PPP6R3: variants seen among roughly 807,000 people sequenced by gnomAD.
PPP6R3 encodes the protein serine/threonine-protein phosphatase 6 regulatory subunit 3.
In PPP6R3, 38 loss-of-function variants were observed where a neutral mutation model predicts 110.7. The ratio of observed to expected loss-of-function variants is 0.34; its 90% CI spans 0.26 to 0.45. The LOEUF is 0.45. Ranked by LOEUF, PPP6R3 falls within the 20% of genes least tolerant of loss-of-function variation. The probability of loss-of-function intolerance (pLI) is 1.00; values close to 1 mark genes in which losing one functional copy is unlikely to be tolerated. For missense variants in PPP6R3, 870 were observed against 1,062.4 expected (o/e 0.82, Z 2.52); for synonymous variants, 369 against 373.5 (o/e 0.99, Z 0.14).
intron 2 of PPP6R3, among the ~76,000 whole-genome samples, chr11:68,531,341 T>TTATTTATG (rs1267600517): frequency 2.0e-5 from 3 of 150,882 alleles, no homozygotes; most frequent in Admixed American, 6.6e-5. Context: ...ATTTATTTAT[T>TTATTTATG]TATTTATTTA....
chr11:68,469,631 G>T (rs1242108448), intron 1 of PPP6R3, among the ~76,000 whole-genome samples: 2 of 151,072 alleles, frequency 1.3e-5, no homozygotes, highest in South Asian at 2.1e-4. Context: ...CTCCCACCTT[G>T]TTTTCCCAAA....
At chr11:68,578,664 C>A (rs1471702318) in intron 14 of PPP6R3, among the ~76,000 whole-genome samples, 1 of 152,218 alleles carries the variant, frequency 6.6e-6, no homozygotes, top group East Asian at 1.9e-4. Flanking sequence ...GGCTGTGTAC[C>A]TGAGGACTTG....
Position 68,604,674 on chromosome 11 carries a change from A to G in PPP6R3, c.2450+1182A>G, listed in dbSNP as rs574918613. On this transcript the variant is annotated intron_variant, in intron 22 of 23. Transcript: ENST00000393800. Reference sequence around the variant, plus strand: ...AAAGTTTAGCAGGTTTACTGGAGACATACAAAATCACTTGCATCCTATAAA... The same window carrying G: ...AAAGTTTAGCAGGTTTACTGGAGACGTACAAAATCACTTGCATCCTATAAA... 7.2e-5 allele frequency among the ~76,000 whole-genome samples: 11 copies of G among 152,402 alleles called. No homozygotes were observed. The East Asian group carries it at 1.7e-3, about 24-fold the overall frequency.
At chr11:68,488,044 A>G (rs1402180926) in intron 1 of PPP6R3, among the ~76,000 whole-genome samples, 5 of 152,176 alleles carry the variant, frequency 3.3e-5, no homozygotes, top group African/African-American at 9.7e-5. Flanking sequence ...TGACACTGTT[A>G]TTAGGCAAAT....
At chr11:68,581,289 G>A (rs2099553511) in intron 14 of PPP6R3, among the ~76,000 whole-genome samples, 1 of 152,136 alleles carries the variant, frequency 6.6e-6, no homozygotes, top group African/African-American at 2.4e-5. Flanking sequence ...GCGAAGGGGA[G>A]GTCACAATGT....
At chr11:68,526,353 C>A (rs1456471488) in intron 2 of PPP6R3, among the ~76,000 whole-genome samples, 3 of 152,064 alleles carry the variant, frequency 2.0e-5, no homozygotes, top group Non-Finnish European at 4.4e-5. Context: ...GATCCTCCCA[C>A]CTCAGCCTCC....
At chr11:68,510,593 C>T (rs1028869062) in intron 1 of PPP6R3, among the ~76,000 whole-genome samples, 1 of 152,152 alleles carries the variant, frequency 6.6e-6, no homozygotes, top group Non-Finnish European at 1.5e-5. Context: ...GCCTTGGTCT[C>T]TCAAAATGTT....
At chr11:68,519,447 C>T (rs143182033) in intron 1 of PPP6R3, 54 bp from the exon 2 acceptor site, 491 of 393,522 alleles carry the variant, frequency 1.2e-3, no homozygotes, top group African/African-American at 9.4e-3. Context: ...TGGCAGCTAT[C>T]ATCACACCAA....
intron 14 of PPP6R3, among the ~76,000 whole-genome samples, chr11:68,580,994 A>G (rs1036708636): frequency 3.2e-4 from 49 of 151,982 alleles, no homozygotes; most frequent in Admixed American, 9.8e-4. Flanking sequence ...GATGGTCTCG[A>G]TCTCCTGACC....
At chr11:68,509,293 A>G (rs914309817) in intron 1 of PPP6R3, among the ~76,000 whole-genome samples, 2 of 151,912 alleles carry the variant, frequency 1.3e-5, no homozygotes, top group African/African-American at 4.8e-5. Flanking sequence ...AGCTTTTTTT[A>G]GTGGTGTTGT....
At chr11:68,473,417 T>C (rs563560118) in intron 1 of PPP6R3, among the ~76,000 whole-genome samples, 9 of 152,354 alleles carry the variant, frequency 5.9e-5, no homozygotes, top group African/African-American at 1.9e-4. Flanking sequence ...TACCTTGCCA[T>C]GCGTATCTCT....
At chr11:68,461,540 TAAAG>T (rs1322053596) in intron 1 of PPP6R3, among the ~76,000 whole-genome samples, 3 of 152,058 alleles carry the variant, frequency 2.0e-5, no homozygotes, top group Non-Finnish European at 2.9e-5. Context: ...CCCTCCCTCT[TAAAG>T]AAGCCCATTC....
chr11:68,482,283 G>A (rs995340985), intron 1 of PPP6R3, among the ~76,000 whole-genome samples: 5 of 151,190 alleles, frequency 3.3e-5, no homozygotes, highest in East Asian at 1.9e-4. Flanking sequence ...ACGTGGTGGC[G>A]GGCGCCTGTA....
intron 3 of PPP6R3, among the ~76,000 whole-genome samples, chr11:68,542,083 C>T (rs368912071): frequency 6.8e-6 from 1 of 148,010 alleles, no homozygotes; most frequent in South Asian, 2.1e-4. Flanking sequence ...GAGAACGTTG[C>T]AGCACAGAGG....
intron 7 of PPP6R3, among the ~76,000 whole-genome samples, chr11:68,556,539 AAAAAAAAAAAC>A (rs1317150123): frequency 6.6e-6 from 1 of 151,212 alleles, no homozygotes; most frequent in Non-Finnish European, 1.5e-5. Context: ...TCTCATTAAA[AAAAAAAAAAAC>A]GAAAAAAAAA....
chr11:68,490,891 G>A (rs1018502007), intron 1 of PPP6R3, among the ~76,000 whole-genome samples: 1 of 151,890 alleles, frequency 6.6e-6, no homozygotes, highest in Non-Finnish European at 1.5e-5. Context: ...CATATTAATC[G>A]TGTTTTTTAC....
intron 7 of PPP6R3, among the ~76,000 whole-genome samples, chr11:68,555,128 T>C (rs1014224908): frequency 2.6e-5 from 4 of 152,216 alleles, no homozygotes; most frequent in African/African-American, 9.7e-5. Context: ...TTTCCTAGCA[T>C]GTAGAATACG....
At chr11:68,461,191 C>T (rs2098703021) in intron 1 of PPP6R3, among the ~76,000 whole-genome samples, 1 of 151,182 alleles carries the variant, frequency 6.6e-6, no homozygotes, top group Admixed American at 6.6e-5. Context: ...GGCCGCGGCC[C>T]GCAGTCTCGC....
chr11:68,608,649 T>C lies in PPP6R3; in HGVS notation c.2451-1255T>C, dbSNP rs898276009. On this transcript the variant is annotated intron_variant, in intron 22 of 23. Transcript: ENST00000393800. ...AGTGTGAGGTGGAGGGCAGCTTTGG[T>C]TGGGAGAAGCCATGTAGAGTGGTAG... Among the ~76,000 whole-genome samples the C allele has an allele frequency of 2.6e-5, 4 of 152,176 alleles. No individual in the cohort carries two copies. The East Asian group carries it at 7.7e-4, about 29-fold the overall frequency.
Sources: gnomAD v4.1 joint callset for allele counts (sites outside exome capture counted in the v4.1 genomes callset) on GRCh38, gnomAD v4.1.1 for gene constraint, MANE v1.5 for transcripts, NCBI Gene and HGNC (gene_info 2026-07-23, HGNC 2026-07-21) for gene names.